ATP6V1D: variants seen among roughly 807,000 people sequenced by gnomAD.
ATP6V1D encodes the protein V-type proton ATPase subunit D.
In ATP6V1D, 20 loss-of-function variants were observed where a neutral mutation model predicts 39.4. The ratio of observed to expected loss-of-function variants is 0.51; its 90% CI spans 0.36 to 0.74. The LOEUF (loss-of-function observed/expected upper bound fraction) is 0.74. Among genes scored for constraint, ATP6V1D ranks in the 30% least tolerant of loss-of-function variants. The pLI is 0.00. For missense variants in ATP6V1D, 228 were observed against 291.6 expected, an observed-to-expected ratio of 0.78 and a Z score of 1.59; for synonymous variants, 100 against 100.5, an observed-to-expected ratio of 0.99 and a Z score of 0.03.
chr14:67,340,862 G>A (rs1372581903), intron 7 of ATP6V1D, among the ~76,000 whole-genome samples: 1 of 152,210 alleles, frequency 6.6e-6, no homozygotes, highest in Non-Finnish European at 1.5e-5. Context: ...TTTTGGTGGA[G>A]ACGGGGTTTC....
chr14:67,358,884 C>G (rs2085705523), intron 1 of ATP6V1D, among the ~76,000 whole-genome samples: 1 of 152,182 alleles, frequency 6.6e-6, no homozygotes, highest in Admixed American at 6.5e-5. Flanking sequence ...TGAGCGTATT[C>G]CCAAGCATGA....
chr14:67,350,791 G>T (rs2085650315), intron 2 of ATP6V1D, 101 bp from the exon 3 acceptor site: 4 of 1,113,666 alleles, frequency 3.6e-6, no homozygotes, highest in Non-Finnish European at 5.2e-6. Flanking sequence ...TTTTATGCTG[G>T]CTGTGCATGT....
intron 1 of ATP6V1D, among the ~76,000 whole-genome samples, chr14:67,354,271 A>G (rs537968458): frequency 3.9e-5 from 6 of 152,212 alleles, no homozygotes; most frequent in Non-Finnish European, 5.9e-5. Flanking sequence ...AATCATCATA[A>G]ATGTTATCAG....
At chr14:67,347,692 G>A (rs1327253362) in intron 4 of ATP6V1D, among the ~76,000 whole-genome samples, 1 of 151,850 alleles carries the variant, frequency 6.6e-6, no homozygotes, top group African/African-American at 2.4e-5. Flanking sequence ...TAGACACGGG[G>A]TTTCTCCATG....
chr14:67,341,018 T>C (rs1190236492), intron 7 of ATP6V1D, among the ~76,000 whole-genome samples: 4 of 152,174 alleles, frequency 2.6e-5, no homozygotes, highest in Admixed American at 6.5e-5. Flanking sequence ...TGATCTCGGC[T>C]CGCTACAACC....
rs76296102 is a variant in ATP6V1D at position 67,353,967 on chromosome 14, A to G, written c.42-927T>C. The G allele has an allele frequency of 1.7e-3, 134 of 78,778 alleles. No homozygotes were observed. In the African/African-American group the frequency reaches 0.022, roughly 13 times the overall value. The allele number at this position is 78,778 out of a possible 1,614,324, so 4.9% of individuals were successfully genotyped here. ...CTGCACCTGACCCTGTCCCTTTAGA[A>G]AAAAAAAAAAAGGCATGTTCGACCC... On this transcript the variant is annotated intron_variant, in intron 1 of 8. Coordinates refer to ENST00000216442, the MANE Select transcript of ATP6V1D (RefSeq NM_015994.4).
intron 5 of ATP6V1D, among the ~76,000 whole-genome samples, chr14:67,347,047 C>T (rs553614769): frequency 2.0e-5 from 3 of 152,142 alleles, no homozygotes; most frequent in African/African-American, 2.4e-5. Flanking sequence ...AGTGCAGTGG[C>T]GTGATCAGAA....
At chr14:67,351,691 TC>T (rs1566601787) in intron 2 of ATP6V1D, among the ~76,000 whole-genome samples, 3 of 151,924 alleles carry the variant, frequency 2.0e-5, no homozygotes, top group East Asian at 1.9e-4. Flanking sequence ...TTCTTCTTCT[TC>T]TTCTTTTTTG....
chr14:67,348,597 C>T (rs914472274), intron 4 of ATP6V1D, among the ~76,000 whole-genome samples: 2 of 152,148 alleles, frequency 1.3e-5, no homozygotes, highest in Non-Finnish European at 2.9e-5. Flanking sequence ...TCTCGGCTCA[C>T]TGGAACCTCC....
chr14:67,342,498 A>G (rs1312073216), intron 7 of ATP6V1D, among the ~76,000 whole-genome samples: 2 of 150,302 alleles, frequency 1.3e-5, no homozygotes, highest in Non-Finnish European at 3.0e-5. Flanking sequence ...TCGACTTTAC[A>G]TAGTTTACCT....
Position 67,359,661 on chromosome 14 carries a change from C to T in ATP6V1D, c.38G>A (p.Arg13Gln), listed in dbSNP as rs1432163079. 2 of 1,614,050 alleles carry T rather than the reference C, an allele frequency of 1.2e-6. No homozygotes were observed. The highest frequency in any genetic ancestry group is 1.1e-5 in the South Asian group (1 of 91,080). The part of the protein sequence containing the change: ...GKDRIEIFPS[R>Q]MAQTIMKARL... ...CTTATCCCATTCCTTTACTTACATT[C>T]GCGAGGGAAAGATTTCAATTCGGTC... Residue 13 changes from arginine (R) to glutamine (Q), a missense_variant, in exon 1 of 9, where the codon CGA becomes CAA. By Grantham distance (43) the Arg-to-Gln change is conservative. Coordinates refer to ENST00000216442, the MANE Select transcript of ATP6V1D (RefSeq NM_015994.4).
chr14:67,351,726 G>A (rs2085654899), intron 2 of ATP6V1D, among the ~76,000 whole-genome samples: 1 of 151,762 alleles, frequency 6.6e-6, no homozygotes. Flanking sequence ...TCACTGTGTT[G>A]CCCAGGCTGG....
intron 6 of ATP6V1D, among the ~76,000 whole-genome samples, chr14:67,345,274 G>A (rs1480532873): frequency 6.6e-6 from 1 of 150,780 alleles, no homozygotes; most frequent in Non-Finnish European, 1.5e-5. Context: ...TTAAAAGTAG[G>A]GGCCAGGTGC....
chr14:67,339,101 A>G (rs1054384059), intron 8 of ATP6V1D, among the ~76,000 whole-genome samples: 6 of 151,370 alleles, frequency 4.0e-5, no homozygotes, highest in Non-Finnish European at 7.4e-5. Flanking sequence ...CGTTCAAGCA[A>G]TTCCTTGCCT....
intron 5 of ATP6V1D, 131 bp downstream of exon 5, chr14:67,347,278 T>G (rs2085625277): frequency 1.4e-6 from 1 of 721,694 alleles, no homozygotes; most frequent in South Asian, 1.9e-5. Flanking sequence ...TTGTCCTGAC[T>G]ATATCAAATA....
Position 67,353,057 on chromosome 14 carries a change from A to G in ATP6V1D, c.42-17T>C. The G allele has an allele frequency of 6.4e-7, 1 of 1,571,348 alleles. No homozygotes were observed. The highest frequency in any genetic ancestry group is 2.2e-5 in the East Asian group (1 of 44,632). On this transcript the variant is annotated splice_polypyrimidine_tract_variant and intron_variant, in intron 1 of 8. Transcript: ENST00000216442. ...GTCTGTGCCCTATATAAACATAAAC[A>G]AAGTTAAGACATCTATTCTCATTGT...
intron 6 of ATP6V1D, 38 bp from the exon 7 acceptor site, chr14:67,343,476 C>T (rs370146601): frequency 1.4e-5 from 20 of 1,402,944 alleles, no homozygotes; most frequent in Non-Finnish European, 1.9e-5. Flanking sequence ...AGCACAAAGT[C>T]TTCCTAATCA....
In ATP6V1D at chr14:67,340,456, G is replaced by T; in HGVS notation, c.586C>A (p.Arg196=). 2 of 1,613,428 alleles carry T rather than the reference G, an allele frequency of 1.2e-6. No individual in the cohort carries two copies. Among genetic ancestry groups the T allele is most frequent in the Non-Finnish European group, 1.7e-6 (2 of 1,179,662 alleles). Residue 196 remains arginine, a synonymous_variant, in exon 8 of 9, where the codon CGA becomes AGA. Transcript: ENST00000216442. ...TCAACAAACCTATAGAACTCTTCTC[G>T]CTCTCTCTCATCCAGCTCTGTGATG... The part of the protein sequence containing the change: ...YIITELDERE[R]EEFYRLKKIQ...
chr14:67,343,884 G>A (rs1424748555), intron 6 of ATP6V1D, among the ~76,000 whole-genome samples: 1 of 152,152 alleles, frequency 6.6e-6, no homozygotes, highest in African/African-American at 2.4e-5. Context: ...CAAAATTCTT[G>A]TGAGATTTCC....
Sources: gnomAD v4.1 joint callset for allele counts (sites outside exome capture counted in the v4.1 genomes callset) on GRCh38, gnomAD v4.1.1 for gene constraint, MANE v1.5 for transcripts, NCBI Gene and HGNC (gene_info 2026-07-23, HGNC 2026-07-21) for gene names.